TRPC4: variants seen among roughly 807,000 people sequenced by gnomAD.
TRPC4 encodes transient receptor potential cation channel subfamily C member 4, also known as short transient receptor potential channel 4.
Under a neutral mutation model 99.4 loss-of-function variants are expected in TRPC4, and 49 were observed. That is an observed-to-expected ratio of 0.49 (90% CI 0.39 to 0.63). The LOEUF (loss-of-function observed/expected upper bound fraction) is 0.63. Among genes scored for constraint, TRPC4 ranks in the 20% least tolerant of loss-of-function variants. The pLI, the probability that TRPC4 is intolerant of heterozygous loss-of-function variation, is 0.00. For synonymous variants in TRPC4, 454 were observed against 425.9 expected (o/e 1.07, Z -0.81); for missense variants, 898 against 1,152.9 (o/e 0.78, Z 3.20).
chr13:37,660,877 T>C (rs1952413885), intron 6 of TRPC4, among the ~76,000 whole-genome samples: 1 of 152,160 alleles, frequency 6.6e-6, no homozygotes, highest in South Asian at 2.1e-4. Context: ...CCCAAGGGTA[T>C]CACTATATAC....
chr13:37,749,173 C>G (rs1009922098), intron 2 of TRPC4, among the ~76,000 whole-genome samples: 6 of 152,048 alleles, frequency 3.9e-5, no homozygotes, highest in Admixed American at 2.0e-4. Context: ...ATTTTGCCTT[C>G]TGCCACGATT....
chr13:37,842,342 C>CTAAAAAAAAAAAAAAAAAA, intron 1 of TRPC4, among the ~76,000 whole-genome samples: 1 of 47,862 alleles, frequency 2.1e-5, no homozygotes, highest in Non-Finnish European at 3.5e-5. Flanking sequence ...TAGCGTCTAG[C>CTAAAAAAAAAAAAAAAAAA]CAAAAAAAAA....
intron 1 of TRPC4, among the ~76,000 whole-genome samples, chr13:37,816,601 A>G (rs1480793562): frequency 6.6e-6 from 1 of 152,056 alleles, no homozygotes; most frequent in Non-Finnish European, 1.5e-5. Flanking sequence ...AATATCCTTG[A>G]AGAACATTGA....
intron 3 of TRPC4, among the ~76,000 whole-genome samples, chr13:37,732,784 A>G (rs1008826144): frequency 1.3e-5 from 2 of 152,176 alleles, no homozygotes; most frequent in African/African-American, 4.8e-5. Flanking sequence ...TACAAGGAAA[A>G]CTACCAAGCA....
chr13:37,680,686 G>C (rs1953207429), intron 4 of TRPC4, among the ~76,000 whole-genome samples: 3 of 152,140 alleles, frequency 2.0e-5, no homozygotes, highest in Admixed American at 6.6e-5. Flanking sequence ...CAAATGTAAG[G>C]AAGAATATTC....
At chr13:37,776,380 C>T (rs1956703491) in intron 2 of TRPC4, among the ~76,000 whole-genome samples, 5 of 151,822 alleles carry the variant, frequency 3.3e-5, no homozygotes, top group Admixed American at 3.3e-4. Flanking sequence ...AGCTATGTCT[C>T]AATATGGGAT....
Position 37,642,860 on chromosome 13 carries a change from A to C in TRPC4, c.2080-3561T>G, listed in dbSNP as rs143900680. 5.9e-3 allele frequency among the ~76,000 whole-genome samples: 893 copies of C among 151,490 alleles called. 13 individuals carry two copies. Among genetic ancestry groups the C allele is most frequent in the African/African-American group, 0.021 (850 of 41,212 alleles). On this transcript the variant is annotated intron_variant, in intron 8 of 10. Coordinates refer to ENST00000379705, the MANE Select transcript of TRPC4 (RefSeq NM_016179.4). Reference sequence around the variant, plus strand: ...ATTCCCCTGCCTCAGCCTCCTGAGTAGCTAGGATTACAGGTGCATGGCACC... The same window carrying C: ...ATTCCCCTGCCTCAGCCTCCTGAGTCGCTAGGATTACAGGTGCATGGCACC...
At chr13:37,712,536 G>C (rs1481895881) in intron 3 of TRPC4, among the ~76,000 whole-genome samples, 1 of 152,120 alleles carries the variant, frequency 6.6e-6, no homozygotes, top group Admixed American at 6.6e-5. Flanking sequence ...AAGTAGATAG[G>C]ACTGAAGTAG....
At chr13:37,713,636 G>T (rs1270597708) in intron 3 of TRPC4, among the ~76,000 whole-genome samples, 1 of 152,128 alleles carries the variant, frequency 6.6e-6, no homozygotes, top group African/African-American at 2.4e-5. Context: ...AGGAAGAAGA[G>T]TAATTTTACA....
intron 1 of TRPC4, among the ~76,000 whole-genome samples, chr13:37,846,385 C>A: frequency 6.6e-6 from 1 of 151,760 alleles, no homozygotes; most frequent in African/African-American, 2.4e-5. Flanking sequence ...CAATAAATTG[C>A]TAAGAAATAC....
intron 1 of TRPC4, among the ~76,000 whole-genome samples, chr13:37,815,466 T>C (rs919127119): frequency 6.6e-6 from 1 of 151,704 alleles, no homozygotes; most frequent in African/African-American, 2.4e-5. Flanking sequence ...CAAGGATTGA[T>C]AGTTCAATTT....
intron 1 of TRPC4, among the ~76,000 whole-genome samples, chr13:37,855,983 A>G (rs1959170918): frequency 6.6e-6 from 1 of 151,874 alleles, no homozygotes; most frequent in African/African-American, 2.4e-5. Context: ...CTAGAAAAGC[A>G]ATAGCAAGCT....
chr13:37,826,918 C>T lies in TRPC4; in HGVS notation c.-28+42677G>A, dbSNP rs540467195. 9.2e-5 allele frequency among the ~76,000 whole-genome samples: 14 copies of T among 152,228 alleles called. No individual in the cohort carries two copies. The South Asian group carries it at 1.9e-3, about 20-fold the overall frequency. On this transcript the variant is annotated intron_variant, in intron 1 of 10. Coordinates refer to ENST00000379705, the MANE Select transcript of TRPC4 (RefSeq NM_016179.4). ...ACCACTTTCAGGTACACCAATCAGACGTAGATTTGGTCTTTTCACATAGTC... is the reference window on the plus strand; with the variant it reads ...ACCACTTTCAGGTACACCAATCAGATGTAGATTTGGTCTTTTCACATAGTC...
chr13:37,746,562 GC>G (rs1955789825), intron 2 of TRPC4, 107 bp from the exon 3 acceptor site: 7 of 1,228,194 alleles, frequency 5.7e-6, no homozygotes, highest in South Asian at 1.9e-5. Context: ...TATGTCCTTG[GC>G]CGGGTTTTTT....
intron 8 of TRPC4, among the ~76,000 whole-genome samples, chr13:37,644,333 A>G (rs1335612685): frequency 6.6e-6 from 1 of 152,184 alleles, no homozygotes; most frequent in Non-Finnish European, 1.5e-5. Context: ...AAGTAATATA[A>G]TGAAAGCCAT....
intron 6 of TRPC4, among the ~76,000 whole-genome samples, chr13:37,657,081 C>T (rs1199705668): frequency 6.6e-6 from 1 of 152,076 alleles, no homozygotes; most frequent in Non-Finnish European, 1.5e-5. Context: ...ATGGAAATTG[C>T]TTTTTTAAAA....
chr13:37,836,297 G>T (rs1958563439), intron 1 of TRPC4, among the ~76,000 whole-genome samples: 3 of 152,170 alleles, frequency 2.0e-5, no homozygotes, highest in African/African-American at 7.2e-5. Flanking sequence ...AGACACTGCT[G>T]AAAACGTACT....
rs1454166704 is a variant in TRPC4, at chr13:37,639,261, G to A, written c.2118C>T (p.Tyr706=). The change falls in exon 9 of 11, where the codon TAC becomes TAT. Residue 706 remains tyrosine (Y), a synonymous_variant. Coordinates refer to ENST00000379705, the MANE Select transcript of TRPC4 (RefSeq NM_016179.4). ...ACATAGTACAAGGACAACTTACTTG[G>A]TATTGGTGATGTCTTCTCAAGTTAT... The part of the protein sequence containing the change: ...AADNLRRHHQ[Y]QEVMRNLVKR... 1.9e-6 allele frequency: 3 copies of A among 1,613,604 alleles called. No homozygotes were observed. Among genetic ancestry groups the A allele is most frequent in the Non-Finnish European group, 2.5e-6 (3 of 1,179,662 alleles).
At chr13:37,747,710 T>A (rs572198321) in intron 2 of TRPC4, among the ~76,000 whole-genome samples, 10 of 152,154 alleles carry the variant, frequency 6.6e-5, no homozygotes, top group Non-Finnish European at 1.3e-4. Context: ...ATATAGGATA[T>A]CCATTGGTTT....
Sources: allele counts gnomAD v4.1 joint callset (sites outside exome capture counted in the v4.1 genomes callset), GRCh38; gene constraint gnomAD v4.1.1; transcripts MANE v1.5; gene names NCBI Gene and HGNC (gene_info 2026-07-23, HGNC 2026-07-21).